Variants in KLRG1 observed in about 807,000 individuals in gnomAD.
KLRG1 encodes killer cell lectin like receptor G1, also known as killer cell lectin-like receptor subfamily G member 1.
Under a neutral mutation model 21.8 loss-of-function variants are expected in KLRG1, and 16 were observed. The ratio of observed to expected loss-of-function variants is 0.73; its 90% CI spans 0.50 to 1.11. The LOEUF (loss-of-function observed/expected upper bound fraction) is 1.11. Ranked by LOEUF, KLRG1 falls within the 50% of genes most tolerant of loss-of-function variation. The pLI is 0.00. For synonymous variants in KLRG1, 69 were observed against 75.9 expected (o/e 0.91, Z 0.47); for missense variants, 173 against 218.3 (o/e 0.79, Z 1.31).
chr12:9,011,390 T>C (rs1269050726), downstream of KLRG1, among the ~76,000 whole-genome samples: 1 of 152,234 alleles, frequency 6.6e-6, no homozygotes, highest in Non-Finnish European at 1.5e-5. Flanking sequence ...TTGGTAAAAC[T>C]AGAAACTAAC....
At chr12:9,157,826 C>T in the KLRG1 span, 1 of 1,613,828 alleles carries the variant, frequency 6.2e-7, no homozygotes, top group Non-Finnish European at 8.5e-7. Flanking sequence ...AGGGTCGCTT[C>T]ATCTTCTACA....
the KLRG1 span, among the ~76,000 whole-genome samples, chr12:9,099,133 T>C: frequency 1.3e-5 from 2 of 152,156 alleles, no homozygotes; most frequent in Admixed American, 1.3e-4. Context: ...CGTTTCATCA[T>C]AGAAGAAGGG....
At chr12:9,195,385 C>A in the KLRG1 span, among the ~76,000 whole-genome samples, 1 of 151,768 alleles carries the variant, frequency 6.6e-6, no homozygotes, top group Non-Finnish European at 1.5e-5. Flanking sequence ...TTTCCCTTCC[C>A]CTTCCCCTGG....
the KLRG1 span, among the ~76,000 whole-genome samples, chr12:9,179,445 C>A: frequency 6.6e-6 from 1 of 152,116 alleles, no homozygotes; most frequent in South Asian, 2.1e-4. Flanking sequence ...CAAGTGTCAC[C>A]CCCATGAATT....
chr12:8,988,486 C>A (rs1365574792), upstream of KLRG1: 3 of 152,150 alleles, frequency 2.0e-5, no homozygotes, highest in South Asian at 6.2e-4. Context: ...ATATAAAGCA[C>A]TCCCTGTTTC....
At chr12:9,002,740 T>G (rs556788737) in intron 3 of KLRG1, among the ~76,000 whole-genome samples, 1 of 152,012 alleles carries the variant, frequency 6.6e-6, no homozygotes, top group African/African-American at 2.4e-5. Flanking sequence ...CTAATTTTCA[T>G]ATTTTTTGTA....
At chr12:8,982,156 A>T (rs901354070) in intron 1 of KLRG1, among the ~76,000 whole-genome samples, 3 of 152,212 alleles carry the variant, frequency 2.0e-5, no homozygotes, top group Non-Finnish European at 4.4e-5. Flanking sequence ...TAATCTTGAG[A>T]TGGAGAGATC....
the KLRG1 span, among the ~76,000 whole-genome samples, chr12:9,048,336 GTAAC>G: frequency 6.6e-6 from 1 of 151,966 alleles, no homozygotes; most frequent in Non-Finnish European, 1.5e-5. Context: ...ATGAAAACAA[GTAAC>G]TAAGAAACGC....
At chr12:9,052,163 A>C in the KLRG1 span, among the ~76,000 whole-genome samples, 1 of 152,198 alleles carries the variant, frequency 6.6e-6, no homozygotes, top group African/African-American at 2.4e-5. Context: ...AATACAGGAT[A>C]GTGGATTATT....
chr12:9,141,564 T>C, the KLRG1 span, among the ~76,000 whole-genome samples: 1 of 152,190 alleles, frequency 6.6e-6, no homozygotes, highest in Non-Finnish European at 1.5e-5. Flanking sequence ...GCCAATATAT[T>C]TACACACAGA....
chr12:9,157,241 G>A, the KLRG1 span: 12 of 1,613,998 alleles, frequency 7.4e-6, no homozygotes, highest in Non-Finnish European at 1.0e-5. Flanking sequence ...TTTCCCAGTA[G>A]GGAAAAAGCA....
chr12:9,099,447 AAC>A, the KLRG1 span: 2 of 1,604,464 alleles, frequency 1.2e-6, no homozygotes, highest in Non-Finnish European at 1.7e-6. Context: ...CGGTAGGTAA[AAC>A]AGCATAGATG....
chr12:8,968,523 A>T (rs763196710), intron 1 of KLRG1, among the ~76,000 whole-genome samples: 2 of 152,342 alleles, frequency 1.3e-5, no homozygotes, highest in South Asian at 4.1e-4. Flanking sequence ...CCATAATTAT[A>T]GTTGGAGGTT....
intron 2 of KLRG1, among the ~76,000 whole-genome samples, chr12:8,993,348 G>A (rs1947033067): frequency 6.6e-6 from 1 of 152,060 alleles, no homozygotes; most frequent in Non-Finnish European, 1.5e-5. Context: ...GAGTGCAATG[G>A]CGTGATCTCG....
At chr12:9,090,300 C>G in the KLRG1 span, 2 of 1,610,970 alleles carry the variant, frequency 1.2e-6, no homozygotes, top group Non-Finnish European at 1.7e-6. Flanking sequence ...TATAAGGTTC[C>G]CACTGCCATA....
the KLRG1 span, among the ~76,000 whole-genome samples, chr12:9,117,558 TG>T: frequency 2.6e-5 from 4 of 152,188 alleles, no homozygotes; most frequent in Admixed American, 6.5e-5. Flanking sequence ...TGCCTTTAGC[TG>T]GGTGAGTGAA....
the KLRG1 span, among the ~76,000 whole-genome samples, chr12:9,146,147 C>G: frequency 6.6e-6 from 1 of 151,968 alleles, no homozygotes; most frequent in Non-Finnish European, 1.5e-5. Context: ...TTTTCTGACT[C>G]TCATAATTTG....
At chr12:9,134,655 T>G in the KLRG1 span, among the ~76,000 whole-genome samples, 1 of 152,230 alleles carries the variant, frequency 6.6e-6, no homozygotes, top group Non-Finnish European at 1.5e-5. Flanking sequence ...ATCATGTAAG[T>G]GGAATCATGC....
At chr12:9,194,666 A>C in the KLRG1 span, among the ~76,000 whole-genome samples, 3 of 151,988 alleles carry the variant, frequency 2.0e-5, no homozygotes, top group Middle Eastern at 6.8e-3. Flanking sequence ...GGGTTTCACC[A>C]TGTTAGCCAG....
Sources: gnomAD v4.1 joint callset for allele counts (sites outside exome capture counted in the v4.1 genomes callset) on GRCh38, gnomAD v4.1.1 for gene constraint, MANE v1.5 for transcripts, NCBI Gene and HGNC (gene_info 2026-07-23, HGNC 2026-07-21) for gene names.